GPBP1L1: variants seen among roughly 807,000 people sequenced by gnomAD.
The protein encoded by GPBP1L1 is vasculin-like protein 1.
Under a neutral mutation model 52.5 loss-of-function variants are expected in GPBP1L1, and 23 were observed. That is an observed-to-expected ratio of 0.44 (90% CI 0.32 to 0.62). The LOEUF (loss-of-function observed/expected upper bound fraction) is 0.62, where lower values mean the gene tolerates loss of function less well. GPBP1L1 is among the 20% of genes least tolerant of loss of function. The pLI, the probability that GPBP1L1 is intolerant of heterozygous loss-of-function variation, is 0.06. For missense variants in GPBP1L1, 596 were observed against 579.3 expected, an observed-to-expected ratio of 1.03 and a Z score of -0.30; for synonymous variants, 243 against 203.1, an observed-to-expected ratio of 1.20 and a Z score of -1.67.
Position 45,655,261 on chromosome 1 carries a change from A to C in GPBP1L1, c.119T>G (p.Phe40Cys), listed in dbSNP as rs1315259985. 3.7e-6 allele frequency: 6 copies of C among 1,614,012 alleles called. No homozygotes were observed. Among genetic ancestry groups the C allele is most frequent in the Middle Eastern group, 1.6e-4 (1 of 6,084 alleles). The change falls in exon 5 of 13, where the codon TTT (phenylalanine) becomes TGT (cysteine). Residue 40 changes from phenylalanine to cysteine, a missense_variant. By Grantham distance (205) the Phe-to-Cys change is radical. Coordinates refer to ENST00000355105, the MANE Select transcript of GPBP1L1 (RefSeq NM_021639.5). ...GEHLPRGEGRFGVSRRRHNSS... is the reference protein window; with the variant it reads ...GEHLPRGEGRCGVSRRRHNSS... ...ATTATGTCGACGGCGGCTTACTCCA[A>C]ATCTACCTTCTCCTCTGGGTAGGTG...
rs749266029 is a variant in GPBP1L1, at chr1:45,633,647, T to C, written c.886A>G (p.Ser296Gly). 7.4e-6 allele frequency: 12 copies of C among 1,613,398 alleles called. No homozygotes were observed. Among genetic ancestry groups the C allele is most frequent in the Middle Eastern group, 3.3e-4 (2 of 6,076 alleles). The change falls in exon 10 of 13, where the codon AGT becomes GGT. Residue 296 changes from serine to glycine, a missense_variant and splice_region_variant. Ser to Gly is a moderately conservative substitution (Grantham distance 56). Coordinates refer to ENST00000355105, the MANE Select transcript of GPBP1L1 (RefSeq NM_021639.5). ...SGAALSSPKESPSSTTPPIEI... is the reference protein window; with the variant it reads ...SGAALSSPKEGPSSTTPPIEI... ...ATTGGAGGGGTGGTGCTGGAGGGACTCTGGGCAAATACCACAAACAGGTTG... is the reference window on the plus strand; with the variant it reads ...ATTGGAGGGGTGGTGCTGGAGGGACCCTGGGCAAATACCACAAACAGGTTG...
chr1:45,660,284 G>A lies in GPBP1L1; in HGVS notation c.-156C>T, dbSNP rs943182021. ...AAAAGGGTGCTTAAGTAACCTGGCC[G>A]GCAGCACGACTTATGATGAAGCACG... is the stretch of plus-strand genomic sequence containing the variant. On this transcript the variant is annotated 5_prime_UTR_variant, in exon 3 of 13. Transcript: ENST00000355105. 1.9e-5 allele frequency: 19 copies of A among 985,162 alleles called. No individual in the cohort carries two copies. The highest frequency in any genetic ancestry group is 3.5e-5 in the African/African-American group (2 of 57,170). 61.0% of individuals were successfully genotyped at this position (985,162 alleles called of 1,614,324 possible). A position where few individuals can be genotyped will look rare whatever the true frequency, so the allele number is the denominator to read the frequency against.
chr1:45,685,955 C>T (rs1645276238), intron 1 of GPBP1L1, among the ~76,000 whole-genome samples: 1 of 152,096 alleles, frequency 6.6e-6, no homozygotes, highest in South Asian at 2.1e-4. Context: ...AAACTTTTTT[C>T]CCCTCAGATA....
At position 45,660,192 on chromosome 1, in the gene GPBP1L1, G is replaced by A. The variant is rs1644932375; in HGVS notation, c.-64C>T. ...ATATGGAGAATATTTACCCCAGAGTGTAACCTCTGTGGTCCTGTTTCTGAA... is the reference window on the plus strand; with the variant it reads ...ATATGGAGAATATTTACCCCAGAGTATAACCTCTGTGGTCCTGTTTCTGAA... On this transcript the variant is annotated 5_prime_UTR_variant, in exon 3 of 13. Coordinates refer to ENST00000355105, the MANE Select transcript of GPBP1L1 (RefSeq NM_021639.5). The A allele has an allele frequency of 5.1e-6, 5 of 985,064 alleles. No homozygotes were observed. The highest frequency in any genetic ancestry group is 4.7e-5 in the South Asian group (1 of 21,282). 61.0% of individuals were successfully genotyped at this position (985,064 alleles called of 1,614,324 possible).
chr1:45,687,198 C>G (rs1194401746), upstream of GPBP1L1: 2 of 152,278 alleles, frequency 1.3e-5, no homozygotes, highest in Non-Finnish European at 2.9e-5. Context: ...GTCACTCCCC[C>G]GCCCAAGCGA....
At chr1:45,652,122 TG>T (rs1288629676) in intron 6 of GPBP1L1, among the ~76,000 whole-genome samples, 1 of 152,220 alleles carries the variant, frequency 6.6e-6, no homozygotes, top group Non-Finnish European at 1.5e-5. Context: ...GCAACATCCC[TG>T]ATCTCTACAT....
intron 10 of GPBP1L1, among the ~76,000 whole-genome samples, chr1:45,632,559 T>C (rs1644543659): frequency 6.6e-6 from 1 of 151,474 alleles, no homozygotes; most frequent in Non-Finnish European, 1.5e-5. Flanking sequence ...CTACTAAGAA[T>C]ACAAAAATTA....
chr1:45,686,942 TC>T (rs1388723650), upstream of GPBP1L1: 1 of 152,392 alleles, frequency 6.6e-6, no homozygotes, highest in African/African-American at 2.4e-5. Flanking sequence ...ATCCCTTTTT[TC>T]TTCACCCTCC....
At position 45,633,477 on chromosome 1, in the gene GPBP1L1, G is replaced by T; in HGVS notation, c.1044+12C>A. 2 of 1,611,964 alleles carry T rather than the reference G, an allele frequency of 1.2e-6. No individual in the cohort carries two copies. The highest frequency in any genetic ancestry group is 1.7e-6 in the Non-Finnish European group (2 of 1,179,040). Reference sequence around the variant, plus strand: ...TTCCTAGGCTACCCCCAGAAAAGGCGGATGCTCTTACATCTTCCAGCTTGT... The same window carrying T: ...TTCCTAGGCTACCCCCAGAAAAGGCTGATGCTCTTACATCTTCCAGCTTGT... On this transcript the variant is annotated intron_variant, in intron 10 of 12. Coordinates refer to ENST00000355105, the MANE Select transcript of GPBP1L1 (RefSeq NM_021639.5).
intron 10 of GPBP1L1, 55 bp from the exon 11 acceptor site, chr1:45,630,661 T>C: frequency 1.9e-6 from 3 of 1,584,574 alleles, no homozygotes; most frequent in Non-Finnish European, 2.6e-6. Flanking sequence ...TGTAGTAATA[T>C]AAGCAACCTA....
intron 8 of GPBP1L1, among the ~76,000 whole-genome samples, chr1:45,639,574 T>C: frequency 7.7e-6 from 1 of 130,116 alleles, no homozygotes; most frequent in East Asian, 2.3e-4. Flanking sequence ...AAAAAATAAT[T>C]AAAAAAAAAA....
chr1:45,657,528 C>G (rs756752872), intron 4 of GPBP1L1, among the ~76,000 whole-genome samples: 6 of 151,910 alleles, frequency 3.9e-5, no homozygotes, highest in African/African-American at 1.5e-4. Context: ...AGAGTAAGAC[C>G]CCGTCTCAAT....
intron 4 of GPBP1L1, 187 bp from the exon 5 acceptor site, chr1:45,655,506 C>G: frequency 2.0e-6 from 1 of 507,422 alleles, no homozygotes; most frequent in Non-Finnish European, 3.4e-6. Flanking sequence ...GTTATATATT[C>G]AATTGCTAAT....
Position 45,677,341 on chromosome 1 carries a change from GAAA to G in GPBP1L1, c.-1098+8232_-1098+8234del, listed in dbSNP as rs35311976. Reference sequence around the variant, plus strand: ...GGTGACAGAGGAAGATTCGTCTCAGGAAAAAAAAAAAAAAAAAAAGAATTTTAG... The same window carrying G: ...GGTGACAGAGGAAGATTCGTCTCAGGAAAAAAAAAAAAAAAAGAATTTTAG... On this transcript the variant is annotated intron_variant, in intron 2 of 12. Transcript: ENST00000355105. Among the ~76,000 whole-genome samples, 578 of 117,534 alleles carry G rather than the reference GAAA, an allele frequency of 4.9e-3. 6 individuals are homozygous for G. Among genetic ancestry groups the G allele is most frequent in the East Asian group, 0.025 (105 of 4,142 alleles). 77.1% of individuals were successfully genotyped at this position (117,534 alleles called of 152,430 possible).
chr1:45,660,459 G>C lies in GPBP1L1; in HGVS notation c.-331C>G, dbSNP rs532400134. 211 of 981,732 alleles carry C rather than the reference G, an allele frequency of 2.1e-4. No homozygotes were observed. The African/African-American group carries it at 3.3e-3, about 15-fold the overall frequency. The allele number at this position is 981,732 out of a possible 1,614,324, so 60.8% of individuals were successfully genotyped here. A position where few individuals can be genotyped will look rare whatever the true frequency, so the allele number is the denominator to read the frequency against. On this transcript the variant is annotated 5_prime_UTR_variant, in exon 3 of 13. Coordinates refer to ENST00000355105, the MANE Select transcript of GPBP1L1 (RefSeq NM_021639.5). Reference sequence around the variant, plus strand: ...AAAAGTATTTGTTACATTTAAAAAGGGGGGGAAGGGGAAAGAGCTGTATCT... The same window carrying C: ...AAAAGTATTTGTTACATTTAAAAAGCGGGGGAAGGGGAAAGAGCTGTATCT...
intron 7 of GPBP1L1, among the ~76,000 whole-genome samples, 180 bp downstream of exon 7, chr1:45,642,247 G>A (rs1333256100): frequency 1.3e-5 from 2 of 152,174 alleles, no homozygotes; most frequent in African/African-American, 4.8e-5. Flanking sequence ...TTTCAGTGGT[G>A]TTTGGGGGTT....
chr1:45,681,690 AT>A (rs1434143904), intron 2 of GPBP1L1, among the ~76,000 whole-genome samples: 2 of 152,244 alleles, frequency 1.3e-5, no homozygotes, highest in Admixed American at 1.3e-4. Flanking sequence ...TACAAATATT[AT>A]TTATTACAAC....
chr1:45,665,525 C>G (rs987832430), intron 2 of GPBP1L1, among the ~76,000 whole-genome samples: 8 of 151,820 alleles, frequency 5.3e-5, no homozygotes, highest in Non-Finnish European at 1.0e-4. Flanking sequence ...CTGAGGCAGG[C>G]GGATCACAAG....
At chr1:45,670,501 G>C (rs1236619650) in intron 2 of GPBP1L1, among the ~76,000 whole-genome samples, 1 of 151,892 alleles carries the variant, frequency 6.6e-6, no homozygotes, top group African/African-American at 2.4e-5. Context: ...TGTCTTGTTT[G>C]TAACAGTTCT....
Sources: gnomAD v4.1 joint callset for allele counts (sites outside exome capture counted in the v4.1 genomes callset) on GRCh38, gnomAD v4.1.1 for gene constraint, MANE v1.5 for transcripts, NCBI Gene and HGNC (gene_info 2026-07-23, HGNC 2026-07-21) for gene names.